CSMD1: variants seen among roughly 807,000 people sequenced by gnomAD.
CSMD1 encodes the protein CUB and Sushi multiple domains 1.
In CSMD1, 213 loss-of-function variants were observed where a neutral mutation model predicts 417.5. That is an observed-to-expected ratio of 0.51 (90% CI 0.46 to 0.57). CSMD1 has a LOEUF of 0.57. Among genes scored for constraint, CSMD1 ranks in the 20% least tolerant of loss-of-function variants. CSMD1 has a pLI of 0.00. For synonymous variants in CSMD1, 2,862 were observed against 1,736.8 expected (o/e 1.65, Z -16.11); for missense variants, 6,923 against 4,529.7 (o/e 1.53, Z -15.17).
intron 5 of CSMD1, among the ~76,000 whole-genome samples, chr8:3,818,668 T>C (rs986414712): frequency 6.6e-6 from 1 of 152,108 alleles, no homozygotes; most frequent in African/African-American, 2.4e-5. Context: ...ATGACAGCAA[T>C]GATGACCTTC....
chr8:4,308,323 A>G (rs1337158952), intron 3 of CSMD1, among the ~76,000 whole-genome samples: 1 of 151,678 alleles, frequency 6.6e-6, no homozygotes, highest in Non-Finnish European at 1.5e-5. Context: ...GGGGTGGTGT[A>G]TCTGGTGTGT....
At chr8:3,747,707 G>A (rs555194430) in intron 6 of CSMD1, among the ~76,000 whole-genome samples, 2 of 152,152 alleles carry the variant, frequency 1.3e-5, no homozygotes, top group East Asian at 3.9e-4. Context: ...ACACATGCCT[G>A]AAATGTTCCT....
intron 2 of CSMD1, among the ~76,000 whole-genome samples, chr8:4,446,757 G>GTGTGTGTGTGTGTC (rs1798828309): frequency 7.6e-5 from 2 of 26,260 alleles, no homozygotes; most frequent in African/African-American, 1.3e-4. Context: ...GTGTGTGTCT[G>GTGTGTGTGTGTGTC]TGTGTGTGTG....
intron 2 of CSMD1, among the ~76,000 whole-genome samples, chr8:4,459,629 A>G (rs1387173614): frequency 6.6e-6 from 1 of 152,230 alleles, no homozygotes; most frequent in Non-Finnish European, 1.5e-5. Context: ...ATTGTGGGTT[A>G]GAACAAACCT....
chr8:3,796,503 A>ACATCTATCATG lies in CSMD1; in HGVS notation c.819-42462_819-42461insCATGATAGATG, dbSNP rs2129070489. Among the ~76,000 whole-genome samples, 5 of 143,796 alleles carry ACATCTATCATG rather than the reference A, an allele frequency of 3.5e-5. No individual in the cohort carries two copies. The South Asian group carries it at 1.1e-3, about 31-fold the overall frequency. 94.3% of individuals were successfully genotyped at this position (143,796 alleles called of 152,430 possible). On this transcript the variant is annotated intron_variant, in intron 5 of 69. Transcript: ENST00000635120. ...ATCTATCTATCATGTATAGATATAG[A>ACATCTATCATG]TATATATATCTATATATCTATATCT... is the stretch of plus-strand genomic sequence containing the variant.
chr8:3,444,820 G>T (rs1049177842), intron 12 of CSMD1, among the ~76,000 whole-genome samples: 4 of 152,144 alleles, frequency 2.6e-5, no homozygotes, highest in African/African-American at 9.7e-5. Flanking sequence ...TCTTTTATAG[G>T]AGAACCTCAG....
intron 30 of CSMD1, among the ~76,000 whole-genome samples, chr8:3,213,907 G>A (rs1797749856): frequency 6.6e-6 from 1 of 151,196 alleles, no homozygotes. Flanking sequence ...ACCCAGGCTG[G>A]AGTGCAGTGG....
intron 3 of CSMD1, among the ~76,000 whole-genome samples, chr8:4,382,961 G>A (rs1803200496): frequency 6.6e-6 from 1 of 152,086 alleles, no homozygotes; most frequent in African/African-American, 2.4e-5. Context: ...CATATACAGG[G>A]GATGACAAAG....
intron 6 of CSMD1, among the ~76,000 whole-genome samples, chr8:3,733,224 TAC>T (rs1563321866): frequency 6.7e-6 from 1 of 148,322 alleles, no homozygotes; most frequent in African/African-American, 2.5e-5. Flanking sequence ...CTCTCATACA[TAC>T]ACATACATAT....
intron 6 of CSMD1, among the ~76,000 whole-genome samples, chr8:3,738,932 C>G (rs34340679): frequency 0.6 from 91,583 of 152,118 alleles, 27,948 homozygotes; most frequent in East Asian, 0.73. Context: ...TCTGTCCTTG[C>G]TGAATGCGCA....
At position 3,737,805 on chromosome 8, in the gene CSMD1, T is replaced by C. The variant is rs557886639; in HGVS notation, c.931+16125A>G. On this transcript the variant is annotated intron_variant, in intron 6 of 69. Transcript: ENST00000635120. Reference sequence around the variant, plus strand: ...TGAAATCAAAGGAGACAAATAAAAATAGCCAAGATGGTAGTATTTAAAACT... The same window carrying C: ...TGAAATCAAAGGAGACAAATAAAAACAGCCAAGATGGTAGTATTTAAAACT... Among the ~76,000 whole-genome samples, 15 of 152,290 alleles carry C rather than the reference T, an allele frequency of 9.8e-5. No individual in the cohort carries two copies. In the South Asian group the frequency reaches 3.1e-3, roughly 32 times the overall value.
chr8:3,834,756 G>A (rs1802579911), intron 5 of CSMD1, among the ~76,000 whole-genome samples: 1 of 151,954 alleles, frequency 6.6e-6, no homozygotes, highest in Admixed American at 6.6e-5. Context: ...GAGCCAAGAT[G>A]GCGGAATAGG....
chr8:4,337,965 C>T (rs973548333), intron 3 of CSMD1, among the ~76,000 whole-genome samples: 3 of 152,060 alleles, frequency 2.0e-5, no homozygotes, highest in African/African-American at 7.2e-5. Flanking sequence ...TTTTAAATAT[C>T]AGTTTTGTCA....
intron 4 of CSMD1, among the ~76,000 whole-genome samples, chr8:4,026,179 GATC>G (rs1304296319): frequency 1.3e-5 from 2 of 152,130 alleles, no homozygotes. Flanking sequence ...ACAAGAATTA[GATC>G]ATTTTTTCTT....
At chr8:4,211,415 C>A (rs1040269629) in intron 3 of CSMD1, among the ~76,000 whole-genome samples, 1 of 152,128 alleles carries the variant, frequency 6.6e-6, no homozygotes, top group African/African-American at 2.4e-5. Context: ...ATCAGCATCA[C>A]TGAATTTTGT....
intron 2 of CSMD1, among the ~76,000 whole-genome samples, chr8:4,478,396 T>A (rs958272180): frequency 6.6e-6 from 1 of 152,202 alleles, no homozygotes; most frequent in Non-Finnish European, 1.5e-5. Flanking sequence ...TCCAAAGTAT[T>A]GAAATACTTT....
chr8:3,343,230 G>T, intron 23 of CSMD1, 64 bp downstream of exon 23: 1 of 1,391,540 alleles, frequency 7.2e-7, no homozygotes, highest in Non-Finnish European at 1.0e-6. Flanking sequence ...CTTAATATAA[G>T]CCAAGTATCA....
chr8:4,551,027 C>T (rs1028669414), intron 2 of CSMD1, among the ~76,000 whole-genome samples: 13 of 152,150 alleles, frequency 8.5e-5, no homozygotes, highest in African/African-American at 3.1e-4. Context: ...AAAATCCTGC[C>T]TTTTGAAGTA....
chr8:4,560,817 C>G (rs1267507558), intron 2 of CSMD1, among the ~76,000 whole-genome samples: 2 of 152,186 alleles, frequency 1.3e-5, no homozygotes, highest in Admixed American at 6.5e-5. Context: ...CTGCCTGTTC[C>G]TCTTCTGTCC....
Sources: allele counts gnomAD v4.1 joint callset (sites outside exome capture counted in the v4.1 genomes callset), GRCh38; gene constraint gnomAD v4.1.1; transcripts MANE v1.5; gene names NCBI Gene and HGNC (gene_info 2026-07-23, HGNC 2026-07-21).